The following KDM4C variants were observed in gnomAD, a reference collection of about 807,000 sequenced individuals.
KDM4C encodes lysine demethylase 4C.
Under a neutral mutation model 129.3 loss-of-function variants are expected in KDM4C, and 81 were observed. The observed-to-expected ratio is 0.63, with a 90% CI of 0.52 to 0.75. The LOEUF is 0.75. Ranked by LOEUF, KDM4C falls within the 30% of genes least tolerant of loss-of-function variation. The pLI, the probability that KDM4C is intolerant of heterozygous loss-of-function variation, is 0.00. For synonymous variants in KDM4C, 573 were observed against 456.1 expected (o/e 1.26, Z -3.26); for missense variants, 1,457 against 1,304.0 (o/e 1.12, Z -1.81).
chr9:6,838,857 T>C (rs1273107965), intron 4 of KDM4C, among the ~76,000 whole-genome samples: 2 of 152,204 alleles, frequency 1.3e-5, no homozygotes, highest in African/African-American at 4.8e-5. Context: ...TGTGTAAAGA[T>C]CCAGGGAAAT....
intron 11 of KDM4C, among the ~76,000 whole-genome samples, chr9:6,988,194 A>G (rs1032978185): frequency 4.0e-5 from 6 of 150,332 alleles, no homozygotes; most frequent in Admixed American, 6.7e-5. Context: ...AGGAAAAAAA[A>G]TTTGCAACTT....
intron 8 of KDM4C, among the ~76,000 whole-genome samples, chr9:6,956,299 C>T (rs748035288): frequency 2.6e-5 from 4 of 152,172 alleles, no homozygotes; most frequent in Admixed American, 6.5e-5. Flanking sequence ...GGGATGGATA[C>T]TCCATTCCCC....
Position 7,029,184 on chromosome 9 carries a change from T to C in KDM4C, c.2259+13255T>C, listed in dbSNP as rs1450570519. Reference sequence around the variant, plus strand: ...AAGTTTCTACAGTTTGTGTCTAATCTGTGCATCAGTTTCTCCTGCAGGCTA... The same window carrying C: ...AAGTTTCTACAGTTTGTGTCTAATCCGTGCATCAGTTTCTCCTGCAGGCTA... On this transcript the variant is annotated intron_variant, in intron 15 of 21. Transcript: ENST00000381309. 7.2e-5 allele frequency among the ~76,000 whole-genome samples: 11 copies of C among 152,346 alleles called. No homozygotes were observed. The East Asian group carries it at 1.9e-3, about 27-fold the overall frequency.
chr9:6,834,599 C>T (rs1011717388), intron 4 of KDM4C: 10 of 744,798 alleles, frequency 1.3e-5, no homozygotes, highest in African/African-American at 5.1e-5. Context: ...GGGCATGGGT[C>T]GGAAGGACTC....
At chr9:6,772,349 A>G (rs1822030482) in intron 1 of KDM4C, among the ~76,000 whole-genome samples, 2 of 148,044 alleles carry the variant, frequency 1.4e-5, no homozygotes, top group Non-Finnish European at 1.5e-5. Context: ...GGGTTTCACC[A>G]TGTTGGCCAG....
At chr9:6,792,290 C>A (rs1826811747) in intron 1 of KDM4C, among the ~76,000 whole-genome samples, 1 of 151,944 alleles carries the variant, frequency 6.6e-6, no homozygotes, top group Admixed American at 6.6e-5. Context: ...TTGCAGTGAG[C>A]CGAGATTGCG....
upstream of KDM4C, among the ~76,000 whole-genome samples, chr9:6,754,335 C>T (rs1342506597): frequency 6.6e-6 from 1 of 151,900 alleles, no homozygotes; most frequent in Non-Finnish European, 1.5e-5. Context: ...GCCTCAGCCT[C>T]CCGAGTAGCT....
At chr9:6,957,399 C>T (rs149474942) in intron 8 of KDM4C, among the ~76,000 whole-genome samples, 2 of 152,196 alleles carry the variant, frequency 1.3e-5, no homozygotes, top group African/African-American at 2.4e-5. Context: ...TTTTGGCATT[C>T]GCTTTCCATT....
At chr9:7,149,246 G>A (rs918627718) in intron 19 of KDM4C, among the ~76,000 whole-genome samples, 4 of 152,236 alleles carry the variant, frequency 2.6e-5, no homozygotes, top group Admixed American at 2.6e-4. Flanking sequence ...GCATGCACAC[G>A]CCCGGCTGGG....
At chr9:6,788,444 C>T (rs1313269932) in intron 1 of KDM4C, among the ~76,000 whole-genome samples, 1 of 152,210 alleles carries the variant, frequency 6.6e-6, no homozygotes, top group African/African-American at 2.4e-5. Flanking sequence ...GATCTGTGGG[C>T]TTCTACCCTG....
intron 8 of KDM4C, among the ~76,000 whole-genome samples, chr9:6,931,171 G>A (rs1468201495): frequency 3.3e-5 from 5 of 151,036 alleles, no homozygotes; most frequent in Admixed American, 6.6e-5. Flanking sequence ...TCAGTAACAA[G>A]GGCAGCATGC....
intron 8 of KDM4C, among the ~76,000 whole-genome samples, chr9:6,965,645 A>T (rs1174206412): frequency 6.6e-6 from 1 of 152,216 alleles, no homozygotes; most frequent in African/African-American, 2.4e-5. Flanking sequence ...CCTGTGTTTC[A>T]GGTGTGGTCT....
chr9:7,119,621 C>T (rs1267229485), intron 18 of KDM4C, among the ~76,000 whole-genome samples: 11 of 150,274 alleles, frequency 7.3e-5, no homozygotes, highest in Admixed American at 3.3e-4. Flanking sequence ...GGTCAGGGAA[C>T]CAAAAAGGAA....
rs1455590176 is a variant in KDM4C, at chr9:7,118,277, G to GT, written c.2611-9788dup. 1.4e-4 allele frequency among the ~76,000 whole-genome samples: 22 copies of GT among 152,164 alleles called. 1 individual carries two copies. Among genetic ancestry groups the GT allele is most frequent in the African/African-American group, 5.1e-4 (21 of 41,430 alleles). Reference sequence around the variant, plus strand: ...AAACCCATGAGAAATAAAAGTACACGTGAACATACACACATGTGGAAAATT... The same window carrying GT: ...AAACCCATGAGAAATAAAAGTACACGTTGAACATACACACATGTGGAAAATT... On this transcript the variant is annotated intron_variant, in intron 18 of 21. Coordinates refer to ENST00000381309, the MANE Select transcript of KDM4C (RefSeq NM_015061.6).
chr9:7,122,265 A>ACACTCTCT (rs375655422), intron 18 of KDM4C, among the ~76,000 whole-genome samples: 38 of 144,820 alleles, frequency 2.6e-4, no homozygotes, highest in African/African-American at 8.8e-4. Flanking sequence ...ACACACACAC[A>ACACTCTCT]CTCTCTCTCT....
intron 8 of KDM4C, among the ~76,000 whole-genome samples, chr9:6,920,882 C>T (rs187502503): frequency 1.3e-5 from 2 of 152,222 alleles, no homozygotes; most frequent in South Asian, 2.1e-4. Flanking sequence ...GTTTCTTCCC[C>T]TGCAGTATGT....
At chr9:6,912,490 A>C (rs1819506255) in intron 8 of KDM4C, among the ~76,000 whole-genome samples, 1 of 152,230 alleles carries the variant, frequency 6.6e-6, no homozygotes, top group South Asian at 2.1e-4. Flanking sequence ...ATGAATGAAT[A>C]CAAATGCCTC....
chr9:7,062,091 C>A (rs543292205), intron 17 of KDM4C, among the ~76,000 whole-genome samples: 188 of 152,114 alleles, frequency 1.2e-3, no homozygotes, highest in Non-Finnish European at 2.4e-3. Context: ...CCTCAGCGTC[C>A]CAAGTAGCTG....
chr9:6,748,938 A>C (rs1817977960), intron 1 of KDM4C: 1 of 919,832 alleles, frequency 1.1e-6, no homozygotes, highest in Non-Finnish European at 1.8e-6. Flanking sequence ...GATGGGCTGC[A>C]CCATAACCTT....
Sources: gnomAD v4.1 joint callset for allele counts (sites outside exome capture counted in the v4.1 genomes callset) on GRCh38, gnomAD v4.1.1 for gene constraint, MANE v1.5 for transcripts, NCBI Gene and HGNC (gene_info 2026-07-23, HGNC 2026-07-21) for gene names.